Variants in PINX1 observed in about 807,000 individuals in gnomAD.
The protein encoded by PINX1 is PIN2/TERF1-interacting telomerase inhibitor 1.
A neutral mutation model predicts 25.4 loss-of-function variants in PINX1; 34 were observed. The observed-to-expected ratio is 1.34, with a 90% CI of 1.02 to 1.78. PINX1 has a LOEUF of 1.78. Among genes scored for constraint, PINX1 ranks in the 40% most tolerant of loss-of-function variants. The pLI is 0.00. For missense variants in PINX1, 592 were observed against 404.9 expected (o/e 1.46, Z -3.97); for synonymous variants, 197 against 147.7 (o/e 1.33, Z -2.42).
intron 6 of PINX1, among the ~76,000 whole-genome samples, chr8:10,769,960 C>T (rs925669792): frequency 1.3e-5 from 2 of 152,196 alleles, no homozygotes; most frequent in African/African-American, 2.4e-5. Context: ...AAAATATCCA[C>T]AGAAATAGTA....
intron 6 of PINX1, among the ~76,000 whole-genome samples, chr8:10,771,592 C>T (rs117512309): frequency 0.011 from 1,731 of 152,298 alleles, 18 homozygotes; most frequent in Non-Finnish European, 0.018. Flanking sequence ...TAATGAGGAA[C>T]AAGGTACAGT....
chr8:10,766,490 G>A (rs964430987), intron 6 of PINX1, among the ~76,000 whole-genome samples: 15 of 152,336 alleles, frequency 9.8e-5, no homozygotes, highest in African/African-American at 3.6e-4. Flanking sequence ...AAGGTGGAGC[G>A]TGGCCGCTCT....
At chr8:10,801,075 G>C (rs964646512) in intron 6 of PINX1, among the ~76,000 whole-genome samples, 1 of 152,172 alleles carries the variant, frequency 6.6e-6, no homozygotes, top group Non-Finnish European at 1.5e-5. Context: ...ATCTCAGCAA[G>C]ATAAAGAGGA....
chr8:10,825,036 G>A (rs529498803), intron 5 of PINX1, among the ~76,000 whole-genome samples: 2 of 152,146 alleles, frequency 1.3e-5, no homozygotes, highest in Non-Finnish European at 2.9e-5. Context: ...GGAAGCGGAA[G>A]AGCCACGGCT....
chr8:10,766,205 G>A lies in PINX1; in HGVS notation c.472-289C>T, dbSNP rs75516709. Among the ~76,000 whole-genome samples, 16 of 152,328 alleles carry A rather than the reference G, an allele frequency of 1.1e-4. No homozygotes were observed. The East Asian group carries it at 3.1e-3, about 29-fold the overall frequency. On this transcript the variant is annotated intron_variant, in intron 6 of 6. Transcript: ENST00000314787. Reference sequence around the variant, plus strand: ...CAGAAGCTAATGTCAGAAGGGAGCAGGCAAGCCGCCTCGATGGAATTCTGA... The same window carrying A: ...CAGAAGCTAATGTCAGAAGGGAGCAAGCAAGCCGCCTCGATGGAATTCTGA...
chr8:10,765,704 G>C lies in PINX1; in HGVS notation c.684C>G (p.Leu228=), dbSNP rs17152322. 4,647 of 1,614,002 alleles carry C rather than the reference G, an allele frequency of 2.9e-3. 104 individuals carry two copies. In the African/African-American group the frequency reaches 0.055, roughly 19 times the overall value. ...EATGKDVESY[L]QPKAKRHTEG... ...CCGTGTGCCTCTTGGCCTTAGGCTG[G>C]AGGTAACTTTCCACATCTTTACCTG... The change falls in exon 7 of 7, where the codon CTC becomes CTG. Residue 228 remains leucine (L), a synonymous_variant. Transcript: ENST00000314787.
chr8:10,829,772 G>A (rs1197418741), intron 4 of PINX1, among the ~76,000 whole-genome samples: 3 of 151,570 alleles, frequency 2.0e-5, no homozygotes, highest in Non-Finnish European at 1.5e-5. Context: ...CACAAACTCC[G>A]CCTCCCAGGT....
chr8:10,765,608 C>G lies in PINX1; in HGVS notation c.780G>C (p.Gln260His). 1 of 1,613,802 alleles carries G rather than the reference C, an allele frequency of 6.2e-7. No homozygotes were observed. ...AKKKSAPAEE[Q>H]LRGPCWDQSS... Reference sequence around the variant, plus strand: ...TCTGGTCCCAGCAGGGGCCTCTGAGCTGCTCTTCTGCTGGCGCGCTCTTCT... The same window carrying G: ...TCTGGTCCCAGCAGGGGCCTCTGAGGTGCTCTTCTGCTGGCGCGCTCTTCT... The change falls in exon 7 of 7, where the codon CAG becomes CAC. Residue 260 changes from glutamine to histidine, a missense_variant. By Grantham distance (24) the Gln-to-His change is conservative (BLOSUM62 0). Coordinates refer to ENST00000314787, the MANE Select transcript of PINX1 (RefSeq NM_017884.6).
In PINX1 at chr8:10,839,723, G is replaced by A. The variant is rs377317838; in HGVS notation, c.19+15C>T. On this transcript the variant is annotated intron_variant, in intron 1 of 6. Transcript: ENST00000314787. ...ACCAACGCGCCTGGGTCGGGCCTCC[G>A]CTTCCGACACTCACGTTCAGCCAGC... 13 of 1,601,372 alleles carry A rather than the reference G, an allele frequency of 8.1e-6. No individual in the cohort carries two copies. The highest frequency in any genetic ancestry group is 1.6e-4 in the Middle Eastern group (1 of 6,070).
At chr8:10,812,228 A>G (rs73662630) in intron 6 of PINX1, among the ~76,000 whole-genome samples, 1,605 of 152,348 alleles carry the variant, frequency 0.011, 32 homozygotes, top group African/African-American at 0.037. Context: ...AATAAAGCGC[A>G]TAAGTAGATA....
At chr8:10,780,872 C>G (rs1404508445) in intron 6 of PINX1, among the ~76,000 whole-genome samples, 1 of 152,132 alleles carries the variant, frequency 6.6e-6, no homozygotes, top group African/African-American at 2.4e-5. Flanking sequence ...CCACATGGAA[C>G]CACAAAAGAC....
chr8:10,786,075 G>A (rs1478549162), intron 6 of PINX1, among the ~76,000 whole-genome samples: 1 of 152,182 alleles, frequency 6.6e-6, no homozygotes, highest in African/African-American at 2.4e-5. Context: ...GTTGTATGTG[G>A]ATCCACTAGT....
intron 6 of PINX1, among the ~76,000 whole-genome samples, chr8:10,776,675 C>T (rs1163429394): frequency 6.6e-6 from 1 of 152,058 alleles, no homozygotes; most frequent in Non-Finnish European, 1.5e-5. Context: ...CCTCAGGCTG[C>T]CCACTCTTCC....
chr8:10,801,591 A>T (rs1802264852), intron 6 of PINX1, among the ~76,000 whole-genome samples: 1 of 152,154 alleles, frequency 6.6e-6, no homozygotes, highest in Non-Finnish European at 1.5e-5. Flanking sequence ...AAGTCCAGGG[A>T]AGACCTAGAT....
intron 6 of PINX1, among the ~76,000 whole-genome samples, chr8:10,785,323 A>G (rs116307068): frequency 6.6e-6 from 1 of 152,212 alleles, no homozygotes; most frequent in Non-Finnish European, 1.5e-5. Flanking sequence ...AAGTTAACCC[A>G]TCAGAATCTT....
rs148200142 is a variant in PINX1 at position 10,814,090 on chromosome 8, T to C, written c.471+6103A>G. ...TGCAGGTCTCAAGGGGCCCTGGGAA[T>C]CTCAATTCATTATCTTCGATCATTT... On this transcript the variant is annotated intron_variant, in intron 6 of 6. Coordinates refer to ENST00000314787, the MANE Select transcript of PINX1 (RefSeq NM_017884.6). 2.0e-3 allele frequency among the ~76,000 whole-genome samples: 309 copies of C among 152,308 alleles called. 1 individual carries two copies. Among genetic ancestry groups the C allele is most frequent in the African/African-American group, 7.3e-3 (302 of 41,552 alleles).
chr8:10,794,741 T>C (rs1213430236), intron 6 of PINX1, among the ~76,000 whole-genome samples: 2 of 152,196 alleles, frequency 1.3e-5, no homozygotes, highest in Non-Finnish European at 1.5e-5. Flanking sequence ...GTTACTACTT[T>C]TAAATGAGTG....
At position 10,828,641 on chromosome 8, in the gene PINX1, G is replaced by C. The variant is rs1798128907; in HGVS notation, c.302-2397C>G. On this transcript the variant is annotated intron_variant, in intron 4 of 6. Coordinates refer to ENST00000314787, the MANE Select transcript of PINX1 (RefSeq NM_017884.6). ...AGCGTCTCTACCTTCTCAGCATGCA[G>C]GTATCAAGAAGGATGCGTGAGCACC... Among the ~76,000 whole-genome samples, 4 of 152,314 alleles carry C rather than the reference G, an allele frequency of 2.6e-5. No homozygotes were observed. The South Asian group carries it at 8.3e-4, about 32-fold the overall frequency.
At chr8:10,777,069 A>C (rs1162941408) in intron 6 of PINX1, among the ~76,000 whole-genome samples, 1 of 152,194 alleles carries the variant, frequency 6.6e-6, no homozygotes, top group African/African-American at 2.4e-5. Flanking sequence ...CTGTCAACAA[A>C]CAAAAAGCCA....
Sources: gnomAD v4.1 joint callset for allele counts (sites outside exome capture counted in the v4.1 genomes callset) on GRCh38, gnomAD v4.1.1 for gene constraint, MANE v1.5 for transcripts, NCBI Gene and HGNC (gene_info 2026-07-23, HGNC 2026-07-21) for gene names.